The following PABPC1L variants were observed in gnomAD, a reference collection of about 807,000 sequenced individuals.
PABPC1L encodes the protein polyadenylate-binding protein 1-like.
In PABPC1L, 31 loss-of-function variants were observed where a neutral mutation model predicts 66.6. That is an observed-to-expected ratio of 0.47 (90% CI 0.35 to 0.63). The LOEUF (loss-of-function observed/expected upper bound fraction) is 0.63. Ranked by LOEUF, PABPC1L falls within the 20% of genes least tolerant of loss-of-function variation. The pLI, the probability that PABPC1L is intolerant of heterozygous loss-of-function variation, is 0.00. For missense variants in PABPC1L, 722 were observed against 848.8 expected, an observed-to-expected ratio of 0.85 and a Z score of 1.86; for synonymous variants, 348 against 335.1, an observed-to-expected ratio of 1.04 and a Z score of -0.42.
intron 7 of PABPC1L, 105 bp from the exon 8 acceptor site, chr20:44,930,355 G>A (rs116149522): frequency 2.7e-4 from 380 of 1,428,906 alleles, no homozygotes; most frequent in Admixed American, 4.0e-4. Context: ...GCTTTCTCGC[G>A]GGCCTGCCCA....
chr20:44,933,594 C>T (rs978929667), intron 10 of PABPC1L, among the ~76,000 whole-genome samples: 10 of 151,696 alleles, frequency 6.6e-5, no homozygotes, highest in East Asian at 1.9e-4. Context: ...TGTAGGCATG[C>T]GCCACCATGC....
chr20:44,920,517 G>A (rs2145562330), intron 5 of PABPC1L, among the ~76,000 whole-genome samples: 1 of 152,156 alleles, frequency 6.6e-6, no homozygotes, highest in East Asian at 1.9e-4. Context: ...CACCCAGGAT[G>A]GAATGCAGTG....
chr20:44,932,513 C>T lies in PABPC1L; in HGVS notation c.1330+81C>T, dbSNP rs80355492. The T allele has an allele frequency of 9.2e-4, 1,157 of 1,262,006 alleles. 4 individuals carry two copies. In the African/African-American group the frequency reaches 0.016, roughly 17 times the overall value. 78.2% of individuals were successfully genotyped at this position (1,262,006 alleles called of 1,614,324 possible). On this transcript the variant is annotated intron_variant, in intron 9 of 14. Transcript: ENST00000217073. ...AGGCAGTCATAACACAGGGATGAAA[C>T]CTGGCTCTGCCACTTCCCAAGGTGG...
intron 2 of PABPC1L, among the ~76,000 whole-genome samples, chr20:44,915,151 G>A (rs1351380531): frequency 6.6e-6 from 1 of 152,200 alleles, no homozygotes; most frequent in African/African-American, 2.4e-5. Context: ...ACACCCACTG[G>A]GGAGCCTCAA....
Position 44,919,068 on chromosome 20 carries a change from G to T in PABPC1L, c.643+23G>T, listed in dbSNP as rs186865727. On this transcript the variant is annotated intron_variant, in intron 4 of 14. Transcript: ENST00000217073. The stretch of plus-strand genomic sequence containing the variant: ...TTGGTGGGTGTGTCCCCAAGGGAGC[G>T]GGGGGATCACTGTTTTTCCTCTTCC... 3.9e-4 allele frequency: 625 copies of T among 1,609,682 alleles called. 3 individuals carry two copies. In the East Asian group the frequency reaches 5.8e-3, roughly 15 times the overall value.
intron 10 of PABPC1L, among the ~76,000 whole-genome samples, chr20:44,933,740 C>A (rs1210643938): frequency 6.7e-6 from 1 of 148,836 alleles, no homozygotes; most frequent in Non-Finnish European, 1.5e-5. Context: ...CCACTGTGCC[C>A]AGCCTTAATT....
At chr20:44,937,081 T>C (rs768118303) in intron 12 of PABPC1L, 3 of 462,886 alleles carry the variant, frequency 6.5e-6, no homozygotes, top group Non-Finnish European at 1.3e-5. Flanking sequence ...GGGGTTAAAG[T>C]TCCTCACACC....
At chr20:44,918,591 T>C (rs2145559877) in intron 3 of PABPC1L, among the ~76,000 whole-genome samples, 1 of 152,226 alleles carries the variant, frequency 6.6e-6, no homozygotes, top group East Asian at 1.9e-4. Flanking sequence ...TTCAAGCCCT[T>C]GTCTGTCTGA....
intron 7 of PABPC1L, among the ~76,000 whole-genome samples, chr20:44,925,998 A>G (rs1270267945): frequency 6.6e-6 from 1 of 152,188 alleles, no homozygotes; most frequent in Non-Finnish European, 1.5e-5. Flanking sequence ...CAGGTGTCCT[A>G]AGAACTACTA....
chr20:44,932,396 G>T lies in PABPC1L; in HGVS notation c.1294G>T (p.Ala432Ser), dbSNP rs770710645. The change falls in exon 9 of 15, where the codon GCC (alanine) becomes TCC (serine). Residue 432 changes from alanine to serine, a missense_variant. Physicochemically the swap from Ala to Ser is moderately conservative, Grantham distance 99. This residue lies in a region of PABPC1L where 301 missense variants were observed against 337.2 expected (regional missense o/e 0.89). Coordinates refer to ENST00000217073, the MANE Select transcript of PABPC1L (RefSeq NM_001372179.1). ...GCGPVTPTQPAPRWTSQPPRP... is the reference protein window; with the variant it reads ...GCGPVTPTQPSPRWTSQPPRP... Reference sequence around the variant, plus strand: ...TGGCCCAGTGACACCCACCCAGCCTGCCCCCAGGTGGACATCCCAGCCACC... The same window carrying T: ...TGGCCCAGTGACACCCACCCAGCCTTCCCCCAGGTGGACATCCCAGCCACC... The T allele has an allele frequency of 5.0e-6, 8 of 1,613,608 alleles. No homozygotes were observed. The highest frequency in any genetic ancestry group is 6.8e-6 in the Non-Finnish European group (8 of 1,179,698).
At position 44,919,040 on chromosome 20, in the gene PABPC1L, A is replaced by G; in HGVS notation, c.638A>G (p.Gln213Arg). Residue 213 changes from glutamine (Q) to arginine (R), a missense_variant, in exon 4 of 15, where the codon CAG (glutamine) becomes CGG (arginine). Coordinates refer to ENST00000217073, the MANE Select transcript of PABPC1L (RefSeq NM_001372179.1). Reference protein sequence around the residue: ...DEQGLQDLFSQFGKMLSVKVM... With the variant: ...DEQGLQDLFSRFGKMLSVKVM... ...CAAGGCCTGCAGGACCTCTTCTCCC[A>G]GTTTGGTGGGTGTGTCCCCAAGGGA... 4 of 1,611,322 alleles carry G rather than the reference A, an allele frequency of 2.5e-6. No homozygotes were observed. The highest frequency in any genetic ancestry group is 2.5e-6 in the Non-Finnish European group (3 of 1,178,474).
chr20:44,929,394 G>A (rs2066834283), intron 7 of PABPC1L, among the ~76,000 whole-genome samples: 1 of 152,204 alleles, frequency 6.6e-6, no homozygotes, highest in South Asian at 2.1e-4. Context: ...TAATAGCATT[G>A]TAGTTAATAG....
At chr20:44,921,150 ATTT>A (rs3092593) in intron 5 of PABPC1L, among the ~76,000 whole-genome samples, 7 of 135,554 alleles carry the variant, frequency 5.2e-5, no homozygotes, top group Non-Finnish European at 7.8e-5. Flanking sequence ...CCCAGTCCGA[ATTT>A]TTTTTTTTTT....
At position 44,932,334 on chromosome 20, in the gene PABPC1L, C is replaced by T. The variant is rs766077541; in HGVS notation, c.1240-8C>T. ...GCCCCTCAGTCTGGGTCTTCTTTTC[C>T]CATGCAGCCTCCAGCCCAGGCTGCA... On this transcript the variant is annotated splice_region_variant and splice_polypyrimidine_tract_variant and intron_variant, in intron 8 of 14. Coordinates refer to ENST00000217073, the MANE Select transcript of PABPC1L (RefSeq NM_001372179.1). The T allele has an allele frequency of 6.2e-7, 1 of 1,600,668 alleles. No individual in the cohort carries two copies. Among genetic ancestry groups the T allele is most frequent in the South Asian group, 1.1e-5 (1 of 90,110 alleles).
intron 8 of PABPC1L, chr20:44,931,744 CCTT>C (rs2066861694): frequency 6.6e-6 from 1 of 152,174 alleles, no homozygotes; most frequent in African/African-American, 2.4e-5. Flanking sequence ...GATGTGCCCT[CCTT>C]GACCTCCTAA....
chr20:44,932,329 T>A lies in PABPC1L; in HGVS notation c.1240-13T>A. Reference sequence around the variant, plus strand: ...GCCAAGCCCCTCAGTCTGGGTCTTCTTTTCCCATGCAGCCTCCAGCCCAGG... The same window carrying A: ...GCCAAGCCCCTCAGTCTGGGTCTTCATTTCCCATGCAGCCTCCAGCCCAGG... On this transcript the variant is annotated splice_polypyrimidine_tract_variant and intron_variant, in intron 8 of 14. Coordinates refer to ENST00000217073, the MANE Select transcript of PABPC1L (RefSeq NM_001372179.1). 1 of 1,595,518 alleles carries A rather than the reference T, an allele frequency of 6.3e-7. No homozygotes were observed. Among genetic ancestry groups the A allele is most frequent in the African/African-American group, 1.3e-5 (1 of 74,416 alleles).
At chr20:44,911,275 C>G (rs907340643) in intron 1 of PABPC1L, among the ~76,000 whole-genome samples, 6 of 152,080 alleles carry the variant, frequency 3.9e-5, no homozygotes, top group Non-Finnish European at 1.5e-5. Context: ...ACCAGCCTGG[C>G]CAACATAGCG....
chr20:44,937,089 A>T (rs1205320984), intron 12 of PABPC1L: 4 of 449,166 alleles, frequency 8.9e-6, no homozygotes, highest in Non-Finnish European at 1.8e-5. Flanking sequence ...AGTTCCTCAC[A>T]CCTCTCCTGA....
At chr20:44,916,923 G>A (rs2066741986) in intron 3 of PABPC1L, 52 bp downstream of exon 3, 3 of 1,541,966 alleles carry the variant, frequency 1.9e-6, no homozygotes, top group Admixed American at 3.3e-5. Flanking sequence ...CAGAAGCATG[G>A]CACCACCGAC....
Sources: allele counts gnomAD v4.1 joint callset (sites outside exome capture counted in the v4.1 genomes callset), GRCh38; gene constraint gnomAD v4.1.1; regional missense constraint gnomAD v4.1.1; transcripts MANE v1.5; gene names NCBI Gene and HGNC (gene_info 2026-07-23, HGNC 2026-07-21).